ITIH6: variants seen among roughly 807,000 people sequenced by gnomAD.
ITIH6 encodes the protein inter-alpha-trypsin inhibitor heavy chain family member 6.
A neutral mutation model predicts 58.2 loss-of-function variants in ITIH6; 60 were observed. The ratio of observed to expected loss-of-function variants is 1.03; its 90% CI spans 0.84 to 1.28. The LOEUF (loss-of-function observed/expected upper bound fraction) is 1.28. Ranked by LOEUF, ITIH6 falls within the 50% of genes most tolerant of loss-of-function variation. The pLI, the probability that ITIH6 is intolerant of heterozygous loss-of-function variation, is 0.00. For synonymous variants in ITIH6, 493 were observed against 417.4 expected, an observed-to-expected ratio of 1.18 and a Z score of -2.21; for missense variants, 1,290 against 1,021.1, an observed-to-expected ratio of 1.26 and a Z score of -3.59.
At chrX:54,764,291 G>C (rs1008077920) in intron 6 of ITIH6, among the ~76,000 whole-genome samples, 2 of 105,931 alleles carry the variant, frequency 1.9e-5, no homozygotes, top group African/African-American at 6.9e-5. Flanking sequence ...TAAGTTTTAG[G>C]GTACATGTGC....
intron 5 of ITIH6, among the ~76,000 whole-genome samples, chrX:54,785,233 G>A (rs954729485): frequency 9.1e-6 from 1 of 109,784 alleles, no homozygotes; most frequent in Non-Finnish European, 1.9e-5. Flanking sequence ...GATGGGGGGT[G>A]GGGAAGGCAG....
intron 1 of ITIH6, among the ~76,000 whole-genome samples, chrX:54,797,828 A>G (rs1231142690): frequency 2.7e-5 from 3 of 111,012 alleles, no homozygotes; most frequent in African/African-American, 9.8e-5. Context: ...GCCACTTCCT[A>G]ACTGTGTCTT....
rs768875900 is a variant in ITIH6, at chrX:54,757,040, A to T, written c.3034T>A (p.Ser1012Thr). Residue 1012 changes from serine to threonine, a missense_variant, in exon 8 of 13, where the codon TCA (serine) becomes ACA (threonine). Transcript: ENST00000218436. ...TCCACGAACTTGGATTCCACCATTG[A>T]TTCAGACAGCAGCTCTAGCTCCTCA... ...LPEELELLSE[S>T]MVESKFVESL... 3 of 1,211,072 alleles carry T rather than the reference A, an allele frequency of 2.5e-6. No homozygotes were observed. The highest frequency in any genetic ancestry group is 3.4e-6 in the Non-Finnish European group (3 of 895,212).
intron 12 of ITIH6, among the ~76,000 whole-genome samples, 188 bp from the exon 13 acceptor site, chrX:54,750,294 A>G (rs1189996948): frequency 9.0e-6 from 1 of 111,326 alleles, no homozygotes; most frequent in Non-Finnish European, 1.9e-5. Flanking sequence ...GGAGTGTAAT[A>G]TGGAAGTAGG....
chrX:54,790,566 C>T (rs1434132720), intron 4 of ITIH6, among the ~76,000 whole-genome samples: 1 of 109,456 alleles, frequency 9.1e-6, no homozygotes. Flanking sequence ...ACCCAACAAA[C>T]CCTCCCTTAT....
rs774706323 is a variant in ITIH6, at chrX:54,779,243, T to C, written c.787-5046A>G. 1.5e-4 allele frequency among the ~76,000 whole-genome samples: 17 copies of C among 112,071 alleles called. No homozygotes were observed. The East Asian group carries it at 2.2e-3, about 15-fold the overall frequency. The stretch of plus-strand genomic sequence containing the variant: ...GTACACAGAAAAACACAAAATATTA[T>C]AACACTGTAACAGTGGTGTATAAAC... On this transcript the variant is annotated intron_variant, in intron 5 of 12. Transcript: ENST00000218436.
intron 5 of ITIH6, among the ~76,000 whole-genome samples, chrX:54,778,013 A>T (rs1313661945): frequency 8.9e-6 from 1 of 112,007 alleles, no homozygotes; most frequent in Non-Finnish European, 1.9e-5. Flanking sequence ...GACCTTTCAG[A>T]CACAGAATTC....
At chrX:54,768,648 G>GAA (rs1263932355) in intron 6 of ITIH6, among the ~76,000 whole-genome samples, 20 of 108,470 alleles carry the variant, frequency 1.8e-4, no homozygotes, top group Admixed American at 1.8e-3. Flanking sequence ...AGCTTAGTTT[G>GAA]GCTGGATATG....
intron 5 of ITIH6, among the ~76,000 whole-genome samples, chrX:54,775,591 C>T (rs1929036252): frequency 8.9e-6 from 1 of 111,767 alleles, no homozygotes; most frequent in Non-Finnish European, 1.9e-5. Flanking sequence ...TTAACATGTA[C>T]CCCACTGGGT....
At chrX:54,790,452 C>G (rs1382530083) in intron 4 of ITIH6, among the ~76,000 whole-genome samples, 1 of 112,471 alleles carries the variant, frequency 8.9e-6, no homozygotes, top group Non-Finnish European at 1.9e-5. Flanking sequence ...TGTGCACTCA[C>G]TCTCCTGCCA....
intron 5 of ITIH6, among the ~76,000 whole-genome samples, chrX:54,782,116 C>G (rs1390575948): frequency 1.8e-5 from 2 of 110,864 alleles, no homozygotes; most frequent in Non-Finnish European, 3.8e-5. Flanking sequence ...GAGTGAGAAT[C>G]AGGAAAAATA....
rs1928595307 is a variant in ITIH6, at chrX:54,759,755, C to A, written c.1075+1G>T. On this transcript the variant is annotated splice_donor_variant, in intron 7 of 12. Transcript: ENST00000218436. LOFTEE classifies it high-confidence loss of function. ...TTTGGGTGGGTAGATCTAACACTTA[C>A]AGCCATCGGCTTCCATGCAATGCAG... 1 of 1,201,604 alleles carries A rather than the reference C, an allele frequency of 8.3e-7. No homozygotes were observed. Among genetic ancestry groups the A allele is most frequent in the Non-Finnish European group, 1.1e-6 (1 of 890,371 alleles).
At chrX:54,775,210 A>G (rs934502582) in intron 5 of ITIH6, among the ~76,000 whole-genome samples, 3 of 111,840 alleles carry the variant, frequency 2.7e-5, no homozygotes, top group Non-Finnish European at 5.7e-5. Context: ...CCAACAGCAG[A>G]ACCCAGTGGC....
At chrX:54,755,316 C>A (rs1928464029) in intron 8 of ITIH6, among the ~76,000 whole-genome samples, 1 of 108,467 alleles carries the variant, frequency 9.2e-6, no homozygotes, top group Admixed American at 9.7e-5. Flanking sequence ...TTCATTTGTC[C>A]ATTCATTCAT....
intron 5 of ITIH6, among the ~76,000 whole-genome samples, chrX:54,780,652 C>A (rs1428951939): frequency 9.1e-5 from 10 of 110,090 alleles, no homozygotes; most frequent in Non-Finnish European, 1.9e-4. Context: ...TAGAAGGAAA[C>A]AACTAATAAA....
At chrX:54,787,281 C>T (rs1033673413) in intron 5 of ITIH6, 2 of 112,427 alleles carry the variant, frequency 1.8e-5, no homozygotes. Flanking sequence ...TTCCTTCTCT[C>T]TGCATGTCTT....
intron 5 of ITIH6, among the ~76,000 whole-genome samples, chrX:54,775,200 C>A (rs1350282126): frequency 8.9e-6 from 1 of 111,914 alleles, no homozygotes; most frequent in Non-Finnish European, 1.9e-5. Context: ...ACTGCCCAAG[C>A]CAACAGCAGA....
rs1172154213 is a variant in ITIH6 at position 54,757,955 on chromosome X, T to A, written c.2119A>T (p.Ile707Phe). Residue 707 changes from isoleucine (I) to phenylalanine (F), a missense_variant, in exon 8 of 13, where the codon ATT becomes TTT. Physicochemically the swap from Ile to Phe is conservative, Grantham distance 21. Coordinates refer to ENST00000218436, the MANE Select transcript of ITIH6 (RefSeq NM_198510.3). ...LSMPTYPKAK[I>F]PAQQDSGTLA... Reference sequence around the variant, plus strand: ...GTGCCAGAATCCTGTTGTGCTGGAATTTTGGCCTTTGGGTATGTGGGCATT... The same window carrying A: ...GTGCCAGAATCCTGTTGTGCTGGAAATTTGGCCTTTGGGTATGTGGGCATT... The A allele has an allele frequency of 8.3e-7, 1 of 1,209,929 alleles. No homozygotes were observed. Among genetic ancestry groups the A allele is most frequent in the East Asian group, 3.0e-5 (1 of 33,759 alleles).
intron 5 of ITIH6, among the ~76,000 whole-genome samples, chrX:54,779,743 G>C (rs1929116345): frequency 9.1e-6 from 1 of 110,457 alleles, no homozygotes; most frequent in African/African-American, 3.3e-5. Flanking sequence ...AAAAGACATA[G>C]AGTGACTGAA....
Sources: allele counts gnomAD v4.1 joint callset (sites outside exome capture counted in the v4.1 genomes callset), GRCh38; gene constraint gnomAD v4.1.1; transcripts MANE v1.5; gene names NCBI Gene and HGNC (gene_info 2026-07-23, HGNC 2026-07-21).